The following FAM210A variants were observed in gnomAD, a reference collection of about 807,000 sequenced individuals.
The protein encoded by FAM210A is mitochondrial inner membrane scaffold 1.
Under a neutral mutation model 25.3 loss-of-function variants are expected in FAM210A, and 13 were observed. That is an observed-to-expected ratio of 0.51 (90% CI 0.33 to 0.82). FAM210A has a LOEUF of 0.82. FAM210A is among the 40% of genes least tolerant of loss of function. The pLI, the probability that FAM210A is intolerant of heterozygous loss-of-function variation, is 0.02. For missense variants in FAM210A, 319 were observed against 323.2 expected (o/e 0.99, Z 0.10); for synonymous variants, 125 against 118.7 (o/e 1.05, Z -0.35).
At chr18:13,710,318 G>C (rs1401949456) in intron 1 of FAM210A, 1 of 152,158 alleles carries the variant, frequency 6.6e-6, no homozygotes, top group Non-Finnish European at 1.5e-5. Flanking sequence ...CGAGTAGCTG[G>C]GACTACAGAT....
At chr18:13,718,178 T>G (rs2043875073) in intron 1 of FAM210A, among the ~76,000 whole-genome samples, 1 of 152,200 alleles carries the variant, frequency 6.6e-6, no homozygotes, top group African/African-American at 2.4e-5. Context: ...AAACCTGTGT[T>G]GTTTTAAGTT....
At chr18:13,669,840 C>T (rs550815209) in intron 3 of FAM210A, among the ~76,000 whole-genome samples, 17 of 152,022 alleles carry the variant, frequency 1.1e-4, no homozygotes, top group African/African-American at 3.1e-4. Flanking sequence ...GAATATATCC[C>T]GTAGCCAACT....
At chr18:13,705,900 T>C (rs1182601780) in intron 1 of FAM210A, among the ~76,000 whole-genome samples, 1 of 152,222 alleles carries the variant, frequency 6.6e-6, no homozygotes, top group African/African-American at 2.4e-5. Context: ...TTCATTCAAT[T>C]GTCATTTTCA....
intron 1 of FAM210A, among the ~76,000 whole-genome samples, chr18:13,711,293 C>T (rs2043819343): frequency 6.6e-6 from 1 of 152,152 alleles, no homozygotes; most frequent in Non-Finnish European, 1.5e-5. Flanking sequence ...ATCCCTTGAA[C>T]CCAGGAGGCA....
intron 1 of FAM210A, among the ~76,000 whole-genome samples, chr18:13,693,409 C>T (rs1227494128): frequency 1.3e-5 from 2 of 152,180 alleles, no homozygotes; most frequent in Non-Finnish European, 2.9e-5. Context: ...CCAACATCAT[C>T]CTGATACCAA....
chr18:13,681,727 G>C lies in FAM210A; in HGVS notation c.351C>G (p.Asp117Glu). Residue 117 changes from aspartate (D) to glutamate (E), a missense_variant, in exon 2 of 4, where the codon GAC becomes GAG. Coordinates refer to ENST00000651643, the MANE Select transcript of FAM210A (RefSeq NM_152352.4). ...ATCGTTGATAAAGACTAATAGATTT[G>C]TCTTGCAAAGGATCAGGCTCTTCCT... Reference protein sequence around the residue: ...EKKEEPDPLQDKSISLYQRFK... With the variant: ...EKKEEPDPLQEKSISLYQRFK... 4.3e-6 allele frequency: 7 copies of C among 1,614,122 alleles called. No homozygotes were observed. Among genetic ancestry groups the C allele is most frequent in the Non-Finnish European group, 5.9e-6 (7 of 1,180,022 alleles).
At chr18:13,705,749 G>C (rs2043773419) in intron 1 of FAM210A, among the ~76,000 whole-genome samples, 1 of 152,270 alleles carries the variant, frequency 6.6e-6, no homozygotes, top group Middle Eastern at 3.4e-3. Context: ...CAGGATTACA[G>C]GCATGAGACA....
intron 1 of FAM210A, among the ~76,000 whole-genome samples, chr18:13,709,786 G>T (rs1200239073): frequency 6.6e-6 from 1 of 152,150 alleles, no homozygotes; most frequent in Non-Finnish European, 1.5e-5. Context: ...ATAATTAGAT[G>T]AAACTATTCC....
chr18:13,718,412 A>G (rs923267236), intron 1 of FAM210A, among the ~76,000 whole-genome samples: 1 of 152,148 alleles, frequency 6.6e-6, no homozygotes, highest in African/African-American at 2.4e-5. Context: ...GAATGTTAAG[A>G]GTTGGAAGGA....
At chr18:13,707,689 G>A (rs895515665) in intron 1 of FAM210A, among the ~76,000 whole-genome samples, 5 of 152,238 alleles carry the variant, frequency 3.3e-5, no homozygotes, top group Non-Finnish European at 7.3e-5. Context: ...TGGATGAACT[G>A]TAACCTAACT....
In FAM210A at chr18:13,682,117, ATTTTTC is replaced by A. The variant is rs1394166778; in HGVS notation, c.-28-18_-28-13del. The A allele has an allele frequency of 6.6e-7, 1 of 1,507,274 alleles. No homozygotes were observed. The allele number at this position is 1,507,274 out of a possible 1,614,324, so 93.4% of individuals were successfully genotyped here. A position where few individuals can be genotyped will look rare whatever the true frequency, so the allele number is the denominator to read the frequency against. ...ATAGGTTTCAGCTTCTACAAAGACA[ATTTTTC>A]AAAAAAATTAGGTAATACTTAGGTT... is the stretch of plus-strand genomic sequence containing the variant. On this transcript the variant is annotated splice_polypyrimidine_tract_variant and intron_variant, in intron 1 of 3. Coordinates refer to ENST00000651643, the MANE Select transcript of FAM210A (RefSeq NM_152352.4).
chr18:13,697,043 T>C (rs577663923), intron 1 of FAM210A, among the ~76,000 whole-genome samples: 22 of 152,342 alleles, frequency 1.4e-4, no homozygotes, highest in South Asian at 4.1e-4. Context: ...CATGTTACAA[T>C]TGCTTACAGT....
chr18:13,698,254 A>G (rs1305405077), intron 1 of FAM210A, among the ~76,000 whole-genome samples: 1 of 146,482 alleles, frequency 6.8e-6, no homozygotes, highest in Non-Finnish European at 1.5e-5. Flanking sequence ...CGGGAGGCTG[A>G]GGCGGAAGAA....
intron 1 of FAM210A, among the ~76,000 whole-genome samples, chr18:13,700,841 A>G (rs1346413561): frequency 6.6e-6 from 1 of 152,234 alleles, no homozygotes; most frequent in African/African-American, 2.4e-5. Flanking sequence ...GTGGCCAGCC[A>G]TACTTCAACC....
In FAM210A at chr18:13,664,457, C is replaced by T. The variant is rs1241250960; in HGVS notation, c.*2023G>A. The stretch of plus-strand genomic sequence containing the variant: ...TTAAAAAGAAAAAAGAAACAAGGAA[C>T]ATGTTTAATATCTTAAAAAACAGCA... On this transcript the variant is annotated 3_prime_UTR_variant, in exon 4 of 4. Coordinates refer to ENST00000651643, the MANE Select transcript of FAM210A (RefSeq NM_152352.4). The T allele has an allele frequency of 6.6e-6, 1 of 152,132 alleles. No individual in the cohort carries two copies. The allele number at this position is 152,132 out of a possible 1,614,324, so 9.4% of individuals were successfully genotyped here.
chr18:13,722,314 C>A (rs559677116), intron 1 of FAM210A, among the ~76,000 whole-genome samples: 1 of 151,526 alleles, frequency 6.6e-6, no homozygotes, highest in Non-Finnish European at 1.5e-5. Flanking sequence ...ATCCAACCAT[C>A]CCTGCTGCAG....
intron 1 of FAM210A, chr18:13,715,444 G>C (rs1055604097): frequency 3.3e-5 from 5 of 152,156 alleles, no homozygotes; most frequent in African/African-American, 1.2e-4. Flanking sequence ...TACGGCCTCA[G>C]AATAGTGGAG....
chr18:13,720,115 A>G (rs1294048003), intron 1 of FAM210A, among the ~76,000 whole-genome samples: 1 of 152,214 alleles, frequency 6.6e-6, no homozygotes, highest in Non-Finnish European at 1.5e-5. Flanking sequence ...CCCAGTAGCA[A>G]GCCCAAAAGC....
Position 13,664,724 on chromosome 18 carries a change from A to C in FAM210A, c.*1756T>G, listed in dbSNP as rs747787967. The C allele has an allele frequency of 8.5e-5, 13 of 152,216 alleles. No homozygotes were observed. Among genetic ancestry groups the C allele is most frequent in the African/African-American group, 3.1e-4 (13 of 41,456 alleles). The allele number at this position is 152,216 out of a possible 1,614,324, so 9.4% of individuals were successfully genotyped here. ...ATTCATTTAAAAAGCATTCTAATAT[A>C]GTAATTAGACTCATCAAATACAAAC... On this transcript the variant is annotated 3_prime_UTR_variant, in exon 4 of 4. Transcript: ENST00000651643.
Sources: allele counts gnomAD v4.1 joint callset (sites outside exome capture counted in the v4.1 genomes callset), GRCh38; gene constraint gnomAD v4.1.1; transcripts MANE v1.5; gene names NCBI Gene and HGNC (gene_info 2026-07-23, HGNC 2026-07-21).